The following SNX25 variants were observed in gnomAD, a reference collection of about 807,000 sequenced individuals.
SNX25 encodes the protein sorting nexin-25.
SNX25 carries 62 observed loss-of-function variants against 113.7 expected under a neutral mutation model. That is an observed-to-expected ratio of 0.55 (90% confidence interval 0.44 to 0.67). The LOEUF is 0.67. Among genes scored for constraint, SNX25 ranks in the 30% least tolerant of loss-of-function variants. The probability of loss-of-function intolerance (pLI) is 0.00; values close to 1 mark genes in which losing one functional copy is unlikely to be tolerated. For synonymous variants in SNX25, 421 were observed against 436.2 expected, an observed-to-expected ratio of 0.97 and a Z score of 0.43; for missense variants, 1,014 against 1,161.0, an observed-to-expected ratio of 0.87 and a Z score of 1.84.
intron 16 of SNX25, among the ~76,000 whole-genome samples, chr4:185,359,523 G>T (rs916874039): frequency 6.6e-6 from 1 of 152,054 alleles, no homozygotes; most frequent in African/African-American, 2.4e-5. Flanking sequence ...GCCAGGCGCG[G>T]TGGCTCACGT....
chr4:185,375,040 C>G (rs2095428625), downstream of SNX25, among the ~76,000 whole-genome samples: 1 of 152,030 alleles, frequency 6.6e-6, no homozygotes, highest in Non-Finnish European at 1.5e-5. Flanking sequence ...GTACCCTCCA[C>G]CCCCAAATCC....
intron 12 of SNX25, among the ~76,000 whole-genome samples, chr4:185,346,079 G>A (rs1417412012): frequency 2.0e-5 from 3 of 152,192 alleles, no homozygotes; most frequent in Non-Finnish European, 4.4e-5. Context: ...GGCTGGTCTT[G>A]AACTCCTGAC....
At chr4:185,307,889 G>T (rs967459798) in intron 6 of SNX25, among the ~76,000 whole-genome samples, 1 of 152,110 alleles carries the variant, frequency 6.6e-6, no homozygotes, top group South Asian at 2.1e-4. Context: ...TGAGTATCTG[G>T]AACTATAGGC....
At chr4:185,326,875 C>T (rs538827163) in intron 9 of SNX25, among the ~76,000 whole-genome samples, 52 of 152,258 alleles carry the variant, frequency 3.4e-4, no homozygotes, top group African/African-American at 1.2e-3. Context: ...CAGGTTAGTG[C>T]TTTAAGAAAA....
intron 1 of SNX25, among the ~76,000 whole-genome samples, chr4:185,246,035 C>T (rs1744822586): frequency 6.6e-6 from 1 of 152,046 alleles, no homozygotes; most frequent in African/African-American, 2.4e-5. Flanking sequence ...GCCTGTAATC[C>T]CAGCACTTTG....
chr4:185,339,779 T>A (rs2126720826), intron 11 of SNX25, among the ~76,000 whole-genome samples: 1 of 152,358 alleles, frequency 6.6e-6, no homozygotes, highest in Admixed American at 6.5e-5. Context: ...TTTAATGTCC[T>A]TGAATTACCA....
chr4:185,289,846 A>G (rs746486572), intron 6 of SNX25, among the ~76,000 whole-genome samples: 7 of 152,056 alleles, frequency 4.6e-5, no homozygotes, highest in South Asian at 2.1e-4. Context: ...TTGTTATTCC[A>G]TTAGTTTGCT....
At chr4:185,237,059 G>A (rs1009562990) in intron 1 of SNX25, among the ~76,000 whole-genome samples, 1 of 152,146 alleles carries the variant, frequency 6.6e-6, no homozygotes, top group Non-Finnish European at 1.5e-5. Context: ...TTGAAATTTA[G>A]GAAAACAGTA....
At chr4:185,230,619 G>C (rs1011315453) in intron 1 of SNX25, among the ~76,000 whole-genome samples, 2 of 151,004 alleles carry the variant, frequency 1.3e-5, no homozygotes, top group Non-Finnish European at 2.9e-5. Context: ...GGCTGGTCTC[G>C]AACTCCCGAC....
chr4:185,338,189 T>G (rs2095241590), intron 10 of SNX25, among the ~76,000 whole-genome samples: 1 of 152,232 alleles, frequency 6.6e-6, no homozygotes, highest in African/African-American at 2.4e-5. Flanking sequence ...TTTGTCTATT[T>G]CTTCTTTTGT....
At chr4:185,226,983 C>T (rs1000659387) in intron 1 of SNX25, among the ~76,000 whole-genome samples, 2 of 152,194 alleles carry the variant, frequency 1.3e-5, no homozygotes, top group Admixed American at 6.5e-5. Flanking sequence ...CATGTGGAGA[C>T]CATTGAGCCT....
At chr4:185,294,404 A>G (rs894467535) in intron 6 of SNX25, among the ~76,000 whole-genome samples, 12 of 152,172 alleles carry the variant, frequency 7.9e-5, no homozygotes, top group Non-Finnish European at 1.5e-4. Context: ...AGTTGTTTTC[A>G]TCTTTAGATT....
chr4:185,362,673 G>T lies in SNX25; in HGVS notation c.2896G>T (p.Ala966Ser). 1 of 1,614,010 alleles carries T rather than the reference G, an allele frequency of 6.2e-7. No individual in the cohort carries two copies. The change falls in exon 18 of 19, where the codon GCA (alanine) becomes TCA (serine). Residue 966 changes from alanine to serine, a missense_variant. Coordinates refer to ENST00000652585, the MANE Select transcript of SNX25 (RefSeq NM_001378034.2). ...ARHGIIKIFNALQETRANKHL... is the reference protein window; with the variant it reads ...ARHGIIKIFNSLQETRANKHL... ...CCACGGTATAATAAAAATATTCAAT[G>T]CACTGCAAGAAACAAGAGCCAACAA...
chr4:185,332,827 G>C, intron 10 of SNX25, 68 bp downstream of exon 10: 1 of 1,470,706 alleles, frequency 6.8e-7, no homozygotes. Flanking sequence ...TTTCAGTTGA[G>C]GTTGAGAAGT....
At chr4:185,286,255 A>G (rs1275130021) in intron 5 of SNX25, among the ~76,000 whole-genome samples, 1 of 152,154 alleles carries the variant, frequency 6.6e-6, no homozygotes, top group Non-Finnish European at 1.5e-5. Context: ...AGCTAGGACT[A>G]CCGGCATGCA....
intron 1 of SNX25, among the ~76,000 whole-genome samples, chr4:185,220,264 G>A (rs1406294731): frequency 1.2e-5 from 1 of 85,834 alleles, no homozygotes; most frequent in Non-Finnish European, 2.7e-5. Flanking sequence ...TGTTCCTCTT[G>A]TTTCTTTTTT....
chr4:185,312,419 A>C (rs1442132840), intron 7 of SNX25, among the ~76,000 whole-genome samples: 1 of 152,214 alleles, frequency 6.6e-6, no homozygotes, highest in Non-Finnish European at 1.5e-5. Flanking sequence ...AGATAATGGA[A>C]ACTCATTTTG....
At position 185,357,711 on chromosome 4, in the gene SNX25, G is replaced by A. The variant is rs762973571; in HGVS notation, c.2625G>A (p.Gln875=). 2.1e-5 allele frequency: 34 copies of A among 1,614,034 alleles called. No individual in the cohort carries two copies. The highest frequency in any genetic ancestry group is 2.8e-5 in the Non-Finnish European group (33 of 1,179,988). ...GAAGAACATTAATTGCCCTCGTTCA[G>A]GTCACTTTTGGAAGAACCATCAACA... ...WVRRTLIALV[Q]VTFGRTINKQ... The change falls in exon 16 of 19, where the codon CAG becomes CAA. Residue 875 remains glutamine, a synonymous_variant. Transcript: ENST00000652585.
intron 10 of SNX25, among the ~76,000 whole-genome samples, chr4:185,333,511 G>A (rs1490451054): frequency 6.6e-6 from 1 of 152,116 alleles, no homozygotes; most frequent in Non-Finnish European, 1.5e-5. Flanking sequence ...TTTATAGTAG[G>A]AGAATATTCC....
Sources: allele counts gnomAD v4.1 joint callset (sites outside exome capture counted in the v4.1 genomes callset), GRCh38; gene constraint gnomAD v4.1.1; transcripts MANE v1.5; gene names NCBI Gene and HGNC (gene_info 2026-07-23, HGNC 2026-07-21).